Variants in EDNRB observed in about 807,000 individuals in gnomAD.
EDNRB encodes the protein Hirschsprung disease 2.
In EDNRB, 18 loss-of-function variants were observed where a neutral mutation model predicts 46.4. The ratio of observed to expected loss-of-function variants is 0.39; its 90% confidence interval spans 0.27 to 0.57. The LOEUF (loss-of-function observed/expected upper bound fraction) is 0.57. Ranked by LOEUF, EDNRB falls within the 20% of genes least tolerant of loss-of-function variation. The probability of loss-of-function intolerance (pLI) is 0.61; values close to 1 mark genes in which losing one functional copy is unlikely to be tolerated. For missense variants in EDNRB, 434 were observed against 537.5 expected (o/e 0.81, Z 1.90); for synonymous variants, 213 against 204.9 (o/e 1.04, Z -0.34).
chr13:77,968,339 A>T (rs1881637403), intron 1 of EDNRB, among the ~76,000 whole-genome samples: 1 of 152,202 alleles, frequency 6.6e-6, no homozygotes, highest in Non-Finnish European at 1.5e-5. Context: ...AGTTCACTTT[A>T]ATTATATGTT....
chr13:77,908,426 CAAAAAA>C (rs11359758), intron 1 of EDNRB, among the ~76,000 whole-genome samples: 1 of 124,190 alleles, frequency 8.1e-6, no homozygotes, highest in African/African-American at 2.9e-5. Context: ...GAAGTTTTGC[CAAAAAA>C]AAAAAAAAAA....
At chr13:77,973,859 A>T (rs1881806472) in intron 1 of EDNRB, among the ~76,000 whole-genome samples, 2 of 151,900 alleles carry the variant, frequency 1.3e-5, no homozygotes, top group South Asian at 4.2e-4. Context: ...CTTTCTTTAA[A>T]CAACCAGCTA....
rs1878658598 is a variant in EDNRB at position 77,896,892 on chromosome 13, T to G, written c.*1308A>C. 2.0e-6 allele frequency: 2 copies of G among 1,003,560 alleles called. No homozygotes were observed. Among genetic ancestry groups the G allele is most frequent in the Non-Finnish European group, 2.4e-6 (2 of 842,248 alleles). 62.2% of individuals were successfully genotyped at this position (1,003,560 alleles called of 1,614,324 possible). On this transcript the variant is annotated 3_prime_UTR_variant, in exon 7 of 7. Transcript: ENST00000646607. ...GGCAGGAACGCACAAAGCTAAGAGG[T>G]TCTTACGGTCTCAAAAAGCAGTTTT... is the stretch of plus-strand genomic sequence containing the variant.
upstream of EDNRB, among the ~76,000 whole-genome samples, chr13:77,924,439 C>T (rs1880174301): frequency 1.3e-5 from 2 of 151,928 alleles, no homozygotes; most frequent in African/African-American, 4.8e-5. Flanking sequence ...GGGACATGGC[C>T]AAGGTAACAG....
intron 1 of EDNRB, among the ~76,000 whole-genome samples, chr13:77,961,319 T>C (rs1265723332): frequency 1.3e-5 from 2 of 151,498 alleles, no homozygotes; most frequent in South Asian, 2.1e-4. Flanking sequence ...TCTACAGAAC[T>C]CTCCACCCCA....
chr13:77,896,458 T>C lies in EDNRB; in HGVS notation c.*1742A>G, dbSNP rs769383742. ...GTGTGTGAATTAATTATTATTGCTC[T>C]TTCTTTCTGGCCACATTGTTGGGTT... is the stretch of plus-strand genomic sequence containing the variant. On this transcript the variant is annotated 3_prime_UTR_variant, in exon 7 of 7. Coordinates refer to ENST00000646607, the MANE Select transcript of EDNRB (RefSeq NM_001122659.3). 16 of 1,570,314 alleles carry C rather than the reference T, an allele frequency of 1.0e-5. No individual in the cohort carries two copies. The highest frequency in any genetic ancestry group is 1.2e-5 in the Non-Finnish European group (14 of 1,155,810).
At chr13:77,970,177 T>A (rs73233111) in intron 1 of EDNRB, among the ~76,000 whole-genome samples, 12,988 of 152,202 alleles carry the variant, frequency 0.085, 708 homozygotes, top group Non-Finnish European at 0.12. Flanking sequence ...TACCCATACT[T>A]ATTCAGCTTG....
At chr13:77,962,443 G>A (rs1031747063) in intron 1 of EDNRB, among the ~76,000 whole-genome samples, 8 of 151,610 alleles carry the variant, frequency 5.3e-5, no homozygotes, top group Non-Finnish European at 8.9e-5. Flanking sequence ...ATGATCAAGT[G>A]GGCTTCATCC....
intron 6 of EDNRB, 98 bp from the exon 7 acceptor site, chr13:77,898,432 G>A (rs1426216484): frequency 1.9e-6 from 3 of 1,552,424 alleles, no homozygotes; most frequent in Middle Eastern, 1.7e-4. Flanking sequence ...ATGATTAGGA[G>A]TTCTTGGGCC....
chr13:77,899,023 A>C (rs1372385363), intron 6 of EDNRB, among the ~76,000 whole-genome samples: 1 of 151,872 alleles, frequency 6.6e-6, no homozygotes, highest in Non-Finnish European at 1.5e-5. Flanking sequence ...TAAATATAAA[A>C]ATTTTTTCAT....
intron 1 of EDNRB, among the ~76,000 whole-genome samples, chr13:77,959,542 C>T (rs537273814): frequency 1.3e-5 from 2 of 152,268 alleles, no homozygotes; most frequent in East Asian, 1.9e-4. Flanking sequence ...CCCATCTGTA[C>T]GTCACCATCA....
intron 1 of EDNRB, among the ~76,000 whole-genome samples, chr13:77,960,092 G>A (rs1881360861): frequency 6.6e-6 from 1 of 152,110 alleles, no homozygotes; most frequent in Non-Finnish European, 1.5e-5. Flanking sequence ...GGGGAGAAAG[G>A]AACCAAGTTG....
At chr13:77,901,602 G>C (rs1878989388) in intron 3 of EDNRB, among the ~76,000 whole-genome samples, 1 of 151,920 alleles carries the variant, frequency 6.6e-6, no homozygotes, top group African/African-American at 2.4e-5. Context: ...TCATTTTTTA[G>C]CAAGTTTGTT....
In EDNRB at chr13:77,959,683, T is replaced by A. The variant is rs552550834; in HGVS notation, c.-52+15664A>T. 3.3e-5 allele frequency among the ~76,000 whole-genome samples: 5 copies of A among 152,352 alleles called. No individual in the cohort carries two copies. The South Asian group carries it at 1.0e-3, about 32-fold the overall frequency. ...CTCTTCGCCAGCAATGGAACAAAGC[T>A]GGATGGAGAATAACTTTGACGAATT... is the stretch of plus-strand genomic sequence containing the variant. On this transcript the variant is annotated intron_variant, in intron 1 of 7. Transcript: ENST00000646948.
At chr13:77,904,735 G>C (rs1175264770) in intron 1 of EDNRB, among the ~76,000 whole-genome samples, 1 of 151,924 alleles carries the variant, frequency 6.6e-6, no homozygotes, top group Non-Finnish European at 1.5e-5. Flanking sequence ...TCCCACACTG[G>C]TAAATGAATC....
intron 1 of EDNRB, among the ~76,000 whole-genome samples, chr13:77,945,889 A>G (rs573103753): frequency 6.6e-6 from 1 of 151,636 alleles, no homozygotes; most frequent in Admixed American, 6.6e-5. Context: ...AAAAAAAAAA[A>G]AAAACAAAAA....
rs201034581 is a variant in EDNRB, at chr13:77,903,517, G to C, written c.574C>G (p.Leu192Val). The C allele has an allele frequency of 4.3e-6, 7 of 1,612,852 alleles. No individual in the cohort carries two copies. The highest frequency in any genetic ancestry group is 5.1e-6 in the Non-Finnish European group (6 of 1,179,266). ...TACCTGTCAATACTCAGAGCACATA[G>C]ACTCAGCACAGTGATTCCCACAGAG... is the stretch of plus-strand genomic sequence containing the variant. ...KASVGITVLS[L>V]CALSIDRYRA... The change falls in exon 2 of 7, where the codon CTA becomes GTA. Residue 192 changes from leucine to valine, a missense_variant. Coordinates refer to ENST00000646607, the MANE Select transcript of EDNRB (RefSeq NM_001122659.3).
chr13:77,968,119 C>T (rs1256986503), intron 1 of EDNRB, among the ~76,000 whole-genome samples: 1 of 151,926 alleles, frequency 6.6e-6, no homozygotes, highest in African/African-American at 2.4e-5. Context: ...CAATGAAAAT[C>T]ATGAAATATA....
At chr13:77,941,482 C>T (rs574494995) in intron 1 of EDNRB, among the ~76,000 whole-genome samples, 122 of 152,282 alleles carry the variant, frequency 8.0e-4, no homozygotes, top group Non-Finnish European at 1.4e-3. Context: ...TACATAATGA[C>T]CAGATTCTTC....
Sources: allele counts gnomAD v4.1 joint callset (sites outside exome capture counted in the v4.1 genomes callset), GRCh38; gene constraint gnomAD v4.1.1; transcripts MANE v1.5; gene names NCBI Gene and HGNC (gene_info 2026-07-23, HGNC 2026-07-21).